The following TINAG variants were observed in gnomAD, a reference collection of about 807,000 sequenced individuals.
TINAG encodes tubulointerstitial nephritis antigen.
In TINAG, 83 loss-of-function variants were observed where a neutral mutation model predicts 72.7. The ratio of observed to expected loss-of-function variants is 1.14; its 90% CI spans 0.96 to 1.37. The LOEUF is 1.37. Among genes scored for constraint, TINAG ranks in the 40% most tolerant of loss-of-function variants. TINAG has a pLI of 0.00. For synonymous variants in TINAG, 234 were observed against 189.9 expected (o/e 1.23, Z -1.91); for missense variants, 685 against 576.6 (o/e 1.19, Z -1.93).
intron 9 of TINAG, among the ~76,000 whole-genome samples, chr6:54,376,725 A>G (rs1763793943): frequency 1.3e-5 from 2 of 152,228 alleles, no homozygotes; most frequent in South Asian, 4.1e-4. Flanking sequence ...CAGGATCTTA[A>G]ATCACTCTTT....
At chr6:54,355,075 GA>G (rs1215025846) in intron 9 of TINAG, among the ~76,000 whole-genome samples, 1 of 151,854 alleles carries the variant, frequency 6.6e-6, no homozygotes, top group Non-Finnish European at 1.5e-5. Context: ...GAGAATTGTA[GA>G]AATTAGATTG....
chr6:54,388,064 A>T (rs1334814537), intron 10 of TINAG, among the ~76,000 whole-genome samples: 3 of 152,118 alleles, frequency 2.0e-5, no homozygotes, highest in Admixed American at 6.6e-5. Context: ...GAAATTTTGG[A>T]TAGTAATAAT....
At position 54,320,584 on chromosome 6, in the gene TINAG, T is replaced by A. The variant is rs780122849; in HGVS notation, c.361T>A (p.Phe121Ile). ...HTQPWYPEGC[F>I]KDGQHYEEGS... Reference sequence around the variant, plus strand: ...TTTACATGTTACTTTGACAGGTTGCTTCAAAGATGGTCAACATTATGAAGA... The same window carrying A: ...TTTACATGTTACTTTGACAGGTTGCATCAAAGATGGTCAACATTATGAAGA... Residue 121 changes from phenylalanine to isoleucine, a missense_variant, in exon 2 of 11, where the codon TTC (phenylalanine) becomes ATC (isoleucine). Physicochemically the swap from Phe to Ile is conservative, Grantham distance 21 (BLOSUM62 0). Transcript: ENST00000259782. 1 of 1,599,364 alleles carries A rather than the reference T, an allele frequency of 6.3e-7. No individual in the cohort carries two copies. Among genetic ancestry groups the A allele is most frequent in the African/African-American group, 1.3e-5 (1 of 74,662 alleles).
At chr6:54,333,597 C>A (rs1308280328) in intron 4 of TINAG, among the ~76,000 whole-genome samples, 4 of 151,456 alleles carry the variant, frequency 2.6e-5, no homozygotes, top group African/African-American at 9.7e-5. Context: ...ACACATGTAT[C>A]CCAGAACTTG....
At chr6:54,363,984 T>C (rs985759591) in intron 9 of TINAG, among the ~76,000 whole-genome samples, 4 of 151,338 alleles carry the variant, frequency 2.6e-5, no homozygotes, top group African/African-American at 9.7e-5. Flanking sequence ...GTGTTTAGAG[T>C]AGTGGTAAGT....
intron 1 of TINAG, among the ~76,000 whole-genome samples, chr6:54,317,084 G>A (rs1995768): frequency 0.7 from 105,568 of 151,764 alleles, 37,170 homozygotes; most frequent in Middle Eastern, 0.81. Context: ...TAAAGCTACC[G>A]GACAGGAATT....
chr6:54,316,966 A>G (rs1784386601), intron 1 of TINAG, among the ~76,000 whole-genome samples: 1 of 152,142 alleles, frequency 6.6e-6, no homozygotes, highest in Non-Finnish European at 1.5e-5. Flanking sequence ...TAATTTCAAC[A>G]GTCATTAGTT....
At chr6:54,354,696 T>C (rs1785350963) in intron 9 of TINAG, 60 bp downstream of exon 9, 1 of 1,533,950 alleles carries the variant, frequency 6.5e-7, no homozygotes, top group South Asian at 1.2e-5. Context: ...AAAATAAGAA[T>C]ATGCAGTGTT....
At chr6:54,387,923 A>G (rs1258355938) in intron 10 of TINAG, among the ~76,000 whole-genome samples, 2 of 152,158 alleles carry the variant, frequency 1.3e-5, no homozygotes, top group Non-Finnish European at 2.9e-5. Context: ...ACTAATTTTT[A>G]CAGTGTCTTA....
At chr6:54,332,084 C>T (rs1017815603) in intron 4 of TINAG, among the ~76,000 whole-genome samples, 2 of 152,088 alleles carry the variant, frequency 1.3e-5, no homozygotes, top group African/African-American at 4.8e-5. Context: ...ATCAAGCTAC[C>T]ATGGACTTTC....
chr6:54,339,885 G>A (rs533519471), intron 4 of TINAG, among the ~76,000 whole-genome samples: 40 of 152,202 alleles, frequency 2.6e-4, no homozygotes, highest in African/African-American at 9.1e-4. Flanking sequence ...GCTTAAATGG[G>A]TGGGGGGAAA....
intron 9 of TINAG, among the ~76,000 whole-genome samples, chr6:54,370,919 G>T (rs963723130): frequency 6.6e-6 from 1 of 152,020 alleles, no homozygotes; most frequent in Admixed American, 6.6e-5. Flanking sequence ...ACACTGATCA[G>T]GTCTGTTCCA....
chr6:54,341,877 G>T (rs1284203254), intron 4 of TINAG, among the ~76,000 whole-genome samples: 1 of 152,038 alleles, frequency 6.6e-6, no homozygotes, highest in Non-Finnish European at 1.5e-5. Flanking sequence ...AGCATTTCTT[G>T]TTTAGCTGAG....
At chr6:54,309,895 A>G (rs1228737287) in intron 1 of TINAG, among the ~76,000 whole-genome samples, 1 of 151,446 alleles carries the variant, frequency 6.6e-6, no homozygotes, top group Non-Finnish European at 1.5e-5. Flanking sequence ...CAATAATGTC[A>G]TCTTGTTTGT....
chr6:54,359,138 T>A (rs1170400172), intron 9 of TINAG, among the ~76,000 whole-genome samples: 1 of 151,902 alleles, frequency 6.6e-6, no homozygotes, highest in African/African-American at 2.4e-5. Flanking sequence ...TTAAAATTCA[T>A]TCCATTTTAT....
intron 9 of TINAG, among the ~76,000 whole-genome samples, chr6:54,371,964 A>C (rs1763622637): frequency 6.9e-6 from 1 of 144,790 alleles, no homozygotes; most frequent in Non-Finnish European, 1.5e-5. Flanking sequence ...AGGTTTATAA[A>C]ATGGCTTTCA....
chr6:54,329,798 A>G (rs1784693794), intron 4 of TINAG, among the ~76,000 whole-genome samples: 1 of 152,144 alleles, frequency 6.6e-6, no homozygotes, highest in Non-Finnish European at 1.5e-5. Flanking sequence ...GTAAATGGAA[A>G]GAAAAAAAAG....
At position 54,321,524 on chromosome 6, in the gene TINAG, T is replaced by C. The variant is rs563098810; in HGVS notation, c.509+138T>C. ...GAAATAGGAAGGGAGATAGAAAGCATGTAAACCTGGAATGCAAAGGTAAAC... is the reference window on the plus strand; with the variant it reads ...GAAATAGGAAGGGAGATAGAAAGCACGTAAACCTGGAATGCAAAGGTAAAC... On this transcript the variant is annotated intron_variant, in intron 3 of 10. Transcript: ENST00000259782. 24 of 631,654 alleles carry C rather than the reference T, an allele frequency of 3.8e-5. No homozygotes were observed. In the African/African-American group the frequency reaches 4.4e-4, roughly 12 times the overall value. The allele number at this position is 631,654 out of a possible 1,614,324, so 39.1% of individuals were successfully genotyped here. A position where few individuals can be genotyped will look rare whatever the true frequency, so the allele number is the denominator to read the frequency against.
intron 4 of TINAG, among the ~76,000 whole-genome samples, chr6:54,342,559 G>T (rs764968366): frequency 6.6e-6 from 1 of 151,888 alleles, no homozygotes; most frequent in Non-Finnish European, 1.5e-5. Flanking sequence ...TAGTAAAGAC[G>T]GGTTTTCACC....
Sources: allele counts gnomAD v4.1 joint callset (sites outside exome capture counted in the v4.1 genomes callset), GRCh38; gene constraint gnomAD v4.1.1; transcripts MANE v1.5; gene names NCBI Gene and HGNC (gene_info 2026-07-23, HGNC 2026-07-21).